The following SCML4 variants were observed in gnomAD, a reference collection of about 807,000 sequenced individuals.
SCML4 encodes the protein Scm polycomb group protein like 4, also known as sex comb on midleg-like protein 4.
Under a neutral mutation model 41.1 loss-of-function variants are expected in SCML4, and 34 were observed. The ratio of observed to expected loss-of-function variants is 0.83; its 90% CI spans 0.63 to 1.10. The LOEUF is 1.10. Among genes scored for constraint, SCML4 ranks in the 50% least tolerant of loss-of-function variants. The probability of loss-of-function intolerance (pLI) is 0.00; values close to 1 mark genes in which losing one functional copy is unlikely to be tolerated. For missense variants in SCML4, 522 were observed against 534.1 expected, an observed-to-expected ratio of 0.98 and a Z score of 0.22; for synonymous variants, 214 against 220.9, an observed-to-expected ratio of 0.97 and a Z score of 0.28.
At chr6:107,751,572 A>ATGTTTCTT (rs1383179707) in intron 2 of SCML4, among the ~76,000 whole-genome samples, 1 of 87,670 alleles carries the variant, frequency 1.1e-5, no homozygotes, top group Non-Finnish European at 2.3e-5. Context: ...CATTTTAACA[A>ATGTTTCTT]TCTTTCTTTC....
chr6:107,736,437 G>C (rs1398008664), intron 5 of SCML4, among the ~76,000 whole-genome samples: 2 of 152,146 alleles, frequency 1.3e-5, no homozygotes, highest in Non-Finnish European at 2.9e-5. Flanking sequence ...GGAAAAACTT[G>C]GAGAGGAAAA....
chr6:107,766,936 G>C (rs1307446982), intron 2 of SCML4, among the ~76,000 whole-genome samples: 1 of 146,696 alleles, frequency 6.8e-6, no homozygotes, highest in Non-Finnish European at 1.5e-5. Context: ...CTTCCCATCT[G>C]TACTATTAAG....
chr6:107,780,708 AATAAT>A (rs1252416435), intron 1 of SCML4, among the ~76,000 whole-genome samples: 1 of 148,786 alleles, frequency 6.7e-6, no homozygotes, highest in African/African-American at 2.5e-5. Flanking sequence ...CCCAGTCTCC[AATAAT>A]AATAATAATA....
At chr6:107,838,336 C>A in the SCML4 span, among the ~76,000 whole-genome samples, 2 of 152,156 alleles carry the variant, frequency 1.3e-5, no homozygotes, top group Non-Finnish European at 2.9e-5. Context: ...CTAACCCTCC[C>A]TTTCTCCCCA....
intron 3 of SCML4, among the ~76,000 whole-genome samples, chr6:107,749,121 C>CGT (rs1778387622): frequency 6.6e-6 from 1 of 151,582 alleles, no homozygotes; most frequent in Non-Finnish European, 1.5e-5. Flanking sequence ...TGTGTGTGTG[C>CGT]GCGTGTGTGT....
chr6:107,735,399 C>T (rs537422027), intron 5 of SCML4, among the ~76,000 whole-genome samples: 24 of 152,176 alleles, frequency 1.6e-4, no homozygotes, highest in Admixed American at 5.9e-4. Context: ...TCTGCAGGAA[C>T]GCACCTCTCT....
chr6:107,844,051 A>T, the SCML4 span, among the ~76,000 whole-genome samples: 1 of 152,222 alleles, frequency 6.6e-6, no homozygotes, highest in Non-Finnish European at 1.5e-5. Context: ...ATCATCAAGG[A>T]TACAGTATGA....
Position 107,757,318 on chromosome 6 carries a change from G to A in SCML4, c.157-7505C>T, listed in dbSNP as rs1210609126. Among the ~76,000 whole-genome samples the A allele has an allele frequency of 7.2e-5, 11 of 152,280 alleles. No individual in the cohort carries two copies. In the East Asian group the frequency reaches 9.6e-4, roughly 13 times the overall value. On this transcript the variant is annotated intron_variant, in intron 2 of 7. Coordinates refer to ENST00000369020, the MANE Select transcript of SCML4 (RefSeq NM_198081.5). Reference sequence around the variant, plus strand: ...AGAGCACACTAAAGGGGAGAGGATCGGTTGATATAAAACTCAAGGATTTTT... The same window carrying A: ...AGAGCACACTAAAGGGGAGAGGATCAGTTGATATAAAACTCAAGGATTTTT...
chr6:107,740,059 C>T, intron 5 of SCML4: 1 of 465,876 alleles, frequency 2.1e-6, no homozygotes, highest in East Asian at 7.0e-5. Flanking sequence ...CTCAAGAGAA[C>T]AACTGGGGTC....
upstream of SCML4, among the ~76,000 whole-genome samples, chr6:107,824,803 G>A (rs1225866818): frequency 6.6e-6 from 1 of 152,160 alleles, no homozygotes; most frequent in African/African-American, 2.4e-5. Flanking sequence ...CAGAGTGAAT[G>A]TTTGACTTTG....
chr6:107,751,577 T>C (rs534131054), intron 2 of SCML4, among the ~76,000 whole-genome samples: 28 of 41,926 alleles, frequency 6.7e-4, no homozygotes, highest in African/African-American at 2.7e-3. Context: ...TAACAATCTT[T>C]CTTTCTTTCT....
intron 6 of SCML4, among the ~76,000 whole-genome samples, chr6:107,715,486 T>C (rs1774683406): frequency 1.3e-5 from 2 of 151,810 alleles, no homozygotes; most frequent in Admixed American, 6.6e-5. Flanking sequence ...TTCTGAATCT[T>C]GGACCTAGTT....
chr6:107,802,729 CCTCCCT>C (rs1783290830), intron 1 of SCML4, among the ~76,000 whole-genome samples: 2 of 139,250 alleles, frequency 1.4e-5, no homozygotes, highest in African/African-American at 2.9e-5. Flanking sequence ...TCCCTCTCCC[CCTCCCT>C]CTCCCTCTCC....
chr6:107,780,889 A>G (rs1292966601), intron 1 of SCML4, among the ~76,000 whole-genome samples: 1 of 152,174 alleles, frequency 6.6e-6, no homozygotes, highest in Non-Finnish European at 1.5e-5. Flanking sequence ...ACTTGTAACA[A>G]TTTATGAATC....
the SCML4 span, among the ~76,000 whole-genome samples, chr6:107,838,768 C>T: frequency 6.6e-6 from 1 of 151,940 alleles, no homozygotes; most frequent in African/African-American, 2.4e-5. Flanking sequence ...CTTAGAAAAC[C>T]AAACAACAAG....
chr6:107,712,090 A>G (rs1728126), intron 6 of SCML4, among the ~76,000 whole-genome samples: 113,837 of 151,698 alleles, frequency 0.75, 42,896 homozygotes, highest in Admixed American at 0.81. Context: ...GCCGATCCAC[A>G]CTTATTAAAG....
At chr6:107,748,589 C>T (rs926408168) in intron 3 of SCML4, among the ~76,000 whole-genome samples, 2 of 152,218 alleles carry the variant, frequency 1.3e-5, no homozygotes, top group African/African-American at 4.8e-5. Context: ...GTCCAGGTCT[C>T]ATCCCAGGTG....
At position 107,746,862 on chromosome 6, in the gene SCML4, T is replaced by C. The variant is rs146809681; in HGVS notation, c.314A>G (p.Asn105Ser). Residue 105 changes from asparagine (N) to serine (S), a missense_variant, in exon 4 of 8, where the codon AAT becomes AGT. Coordinates refer to ENST00000369020, the MANE Select transcript of SCML4 (RefSeq NM_198081.5). ...TVCLYINKQA[N>S]AGPYLERKKV... ...CTTCCTCTCCAGATAGGGCCCCGCA[T>C]TGGCCTGCTTGTTGATGTAGAGGCA... The C allele has an allele frequency of 1.6e-4, 257 of 1,613,588 alleles. No individual in the cohort carries two copies. The highest frequency in any genetic ancestry group is 2.1e-4 in the Non-Finnish European group (243 of 1,179,728).
At position 107,742,094 on chromosome 6, in the gene SCML4, TA is replaced by T. The variant is rs201008429; in HGVS notation, c.682+2854del. On this transcript the variant is annotated intron_variant, in intron 5 of 7. Coordinates refer to ENST00000369020, the MANE Select transcript of SCML4 (RefSeq NM_198081.5). ...AATTTAACAAAGAGATTGAAATAAT[TA>T]AAAAAAATCAAACAGAAATATTCAA... 4.3e-3 allele frequency among the ~76,000 whole-genome samples: 654 copies of T among 151,530 alleles called. 9 individuals carry two copies. The East Asian group carries it at 0.063, about 15-fold the overall frequency.
Sources: allele counts gnomAD v4.1 joint callset (sites outside exome capture counted in the v4.1 genomes callset), GRCh38; gene constraint gnomAD v4.1.1; transcripts MANE v1.5; gene names NCBI Gene and HGNC (gene_info 2026-07-23, HGNC 2026-07-21).